SEC63: variants seen among roughly 807,000 people sequenced by gnomAD.
SEC63 encodes SEC63 protein translocation regulator.
SEC63 carries 56 observed loss-of-function variants against 116.2 expected under a neutral mutation model. The ratio of observed to expected loss-of-function variants is 0.48; its 90% confidence interval spans 0.39 to 0.60. The LOEUF (loss-of-function observed/expected upper bound fraction) is 0.60. Ranked by LOEUF, SEC63 falls within the 20% of genes least tolerant of loss-of-function variation. The pLI is 0.00. For missense variants in SEC63, 668 were observed against 900.0 expected, an observed-to-expected ratio of 0.74 and a Z score of 3.30; for synonymous variants, 273 against 294.6, an observed-to-expected ratio of 0.93 and a Z score of 0.75.
chr6:107,879,223 G>T (rs1786349358), intron 18 of SEC63, among the ~76,000 whole-genome samples: 1 of 152,198 alleles, frequency 6.6e-6, no homozygotes, highest in Non-Finnish European at 1.5e-5. Context: ...GAATGCAATG[G>T]CACAATCTTG....
intron 16 of SEC63, among the ~76,000 whole-genome samples, chr6:107,883,798 C>T (rs1786466052): frequency 1.3e-5 from 2 of 150,390 alleles, no homozygotes; most frequent in Admixed American, 6.6e-5. Context: ...CAGAGCAAGA[C>T]CCTATCTCAA....
chr6:107,914,374 T>C (rs1167266224), intron 4 of SEC63, among the ~76,000 whole-genome samples: 3 of 152,238 alleles, frequency 2.0e-5, no homozygotes, highest in African/African-American at 7.2e-5. Context: ...TCTCAAAACT[T>C]AAGAGGCAAT....
At position 107,957,952 on chromosome 6, in the gene SEC63, T is replaced by C. The variant is rs1441623326; in HGVS notation, c.58A>G (p.Thr20Ala). The change falls in exon 1 of 21, where the codon ACC becomes GCC. Residue 20 changes from threonine (T) to alanine (A), a missense_variant. Coordinates refer to ENST00000369002, the MANE Select transcript of SEC63 (RefSeq NM_007214.5). The stretch of plus-strand genomic sequence containing the variant: ...ATCACGATGAGCCCCACGAAGGAGG[T>C]GAGGAAGTAGAAGAAGGTGTTCCCA... ...DSGNTFFYFLTSFVGLIVIPA... is the reference protein window; with the variant it reads ...DSGNTFFYFLASFVGLIVIPA... 1 of 1,612,642 alleles carries C rather than the reference T, an allele frequency of 6.2e-7. No individual in the cohort carries two copies. Among genetic ancestry groups the C allele is most frequent in the African/African-American group, 1.3e-5 (1 of 74,618 alleles).
chr6:107,953,412 G>A (rs1159770264), intron 1 of SEC63, among the ~76,000 whole-genome samples: 4 of 151,820 alleles, frequency 2.6e-5, no homozygotes, highest in East Asian at 3.9e-4. Flanking sequence ...TCAGCCCCCC[G>A]CCCGGCCAGC....
intron 19 of SEC63, among the ~76,000 whole-genome samples, chr6:107,875,114 T>C (rs1052849115): frequency 1.5e-4 from 23 of 152,134 alleles, no homozygotes; most frequent in African/African-American, 5.3e-4. Flanking sequence ...TCTGCCCGCC[T>C]TGGCCTCCCA....
chr6:107,929,627 G>T, intron 1 of SEC63, 113 bp from the exon 2 acceptor site: 1 of 672,630 alleles, frequency 1.5e-6, no homozygotes, highest in Non-Finnish European at 2.7e-6. Flanking sequence ...AATGGAACAT[G>T]AAATTACTGC....
chr6:107,914,353 G>A lies in SEC63; in HGVS notation c.453-926C>T, dbSNP rs183271554. Reference sequence around the variant, plus strand: ...CATATGGTCAAATCTAATTTTAACCGTACTTCTACTTCTCAAAACTTAAGA... The same window carrying A: ...CATATGGTCAAATCTAATTTTAACCATACTTCTACTTCTCAAAACTTAAGA... On this transcript the variant is annotated intron_variant, in intron 4 of 20. Transcript: ENST00000369002. Among the ~76,000 whole-genome samples, 6 of 152,118 alleles carry A rather than the reference G, an allele frequency of 3.9e-5. No homozygotes were observed. In the East Asian group the frequency reaches 5.8e-4, roughly 15 times the overall value.
chr6:107,872,147 G>A (rs1786149540), intron 20 of SEC63, among the ~76,000 whole-genome samples: 2 of 152,202 alleles, frequency 1.3e-5, no homozygotes, highest in South Asian at 4.1e-4. Context: ...TCTTGAGCAA[G>A]AACACTGAGT....
At chr6:107,927,779 A>G (rs1787708073) in intron 2 of SEC63, among the ~76,000 whole-genome samples, 1 of 151,854 alleles carries the variant, frequency 6.6e-6, no homozygotes, top group African/African-American at 2.4e-5. Flanking sequence ...GCAGTATAAA[A>G]TGATGTAGTA....
intron 16 of SEC63, among the ~76,000 whole-genome samples, chr6:107,886,143 A>G (rs1450856727): frequency 6.6e-6 from 1 of 152,094 alleles, no homozygotes; most frequent in Non-Finnish European, 1.5e-5. Context: ...GTTTGCTGAG[A>G]ATGATGGTTT....
intron 1 of SEC63, among the ~76,000 whole-genome samples, chr6:107,941,519 G>A (rs1239741060): frequency 2.0e-5 from 3 of 151,220 alleles, no homozygotes; most frequent in Non-Finnish European, 4.4e-5. Context: ...AAAAAAGGAA[G>A]AAGGAAAAAG....
intron 8 of SEC63, 142 bp downstream of exon 8, chr6:107,908,785 C>T (rs1176220107): frequency 3.8e-6 from 2 of 528,408 alleles, no homozygotes; most frequent in Non-Finnish European, 6.7e-6. Context: ...TGGCATTTTT[C>T]TCTAGCTTTA....
chr6:107,913,241 T>A, intron 5 of SEC63, 125 bp downstream of exon 5: 1 of 718,844 alleles, frequency 1.4e-6, no homozygotes, highest in Non-Finnish European at 2.4e-6. Context: ...AGAGCTCAAT[T>A]TATCTATGTT....
At chr6:107,932,864 C>A (rs1194983324) in intron 1 of SEC63, among the ~76,000 whole-genome samples, 5 of 152,022 alleles carry the variant, frequency 3.3e-5, no homozygotes, top group African/African-American at 9.7e-5. Flanking sequence ...TATCCTCCCA[C>A]AAAATACTAA....
chr6:107,893,294 T>C (rs774482985), intron 16 of SEC63, among the ~76,000 whole-genome samples, 188 bp downstream of exon 16: 4 of 152,018 alleles, frequency 2.6e-5, no homozygotes, highest in Non-Finnish European at 5.9e-5. Flanking sequence ...ATAGACAGAA[T>C]AGTGGGAGGT....
intron 13 of SEC63, among the ~76,000 whole-genome samples, chr6:107,899,507 G>T (rs2114437414): frequency 6.6e-6 from 1 of 152,220 alleles, no homozygotes; most frequent in East Asian, 1.9e-4. Context: ...CCTGAGGCTG[G>T]GAGTTCGAGA....
intron 13 of SEC63, among the ~76,000 whole-genome samples, chr6:107,898,714 AAAAAT>A (rs1273574816): frequency 1.2e-4 from 19 of 152,346 alleles, no homozygotes; most frequent in East Asian, 1.2e-3. Context: ...CAAAATAAAT[AAAAAT>A]AAAATAACTC....
chr6:107,928,575 G>GA lies in SEC63; in HGVS notation c.224+839dup, dbSNP rs201461772. Among the ~76,000 whole-genome samples, 371 of 151,642 alleles carry GA rather than the reference G, an allele frequency of 2.4e-3. 4 individuals carry two copies. The highest frequency in any genetic ancestry group is 3.7e-3 in the East Asian group (19 of 5,184). ...AAACTAAACGCCCTGAAATTATGCT[G>GA]AAAAAAAACTATCATTTAAACCAAG... is the stretch of plus-strand genomic sequence containing the variant. On this transcript the variant is annotated intron_variant, in intron 2 of 20. Coordinates refer to ENST00000369002, the MANE Select transcript of SEC63 (RefSeq NM_007214.5).
Position 107,875,037 on chromosome 6 carries a change from G to GT in SEC63, c.2034+1526dup, listed in dbSNP as rs991088881. On this transcript the variant is annotated intron_variant, in intron 19 of 20. Coordinates refer to ENST00000369002, the MANE Select transcript of SEC63 (RefSeq NM_007214.5). ...GGTCCTGGATTTTGTTTTTGTTTTT[G>GT]TTTTTTTTAAGAGACAGGGTCTCAC... Among the ~76,000 whole-genome samples the GT allele has an allele frequency of 1.0e-3, 156 of 151,230 alleles. 1 individual carries two copies. Among genetic ancestry groups the GT allele is most frequent in the Middle Eastern group, 3.4e-3 (1 of 294 alleles).
Sources: allele counts gnomAD v4.1 joint callset (sites outside exome capture counted in the v4.1 genomes callset), GRCh38; gene constraint gnomAD v4.1.1; transcripts MANE v1.5; gene names NCBI Gene and HGNC (gene_info 2026-07-23, HGNC 2026-07-21).